IPO8: variants seen among roughly 807,000 people sequenced by gnomAD.
IPO8 encodes importin 8.
IPO8 carries 65 observed loss-of-function variants against 141.2 expected under a neutral mutation model. That is an observed-to-expected ratio of 0.46 (90% confidence interval 0.38 to 0.57). The LOEUF (loss-of-function observed/expected upper bound fraction) is 0.57. IPO8 is among the 20% of genes least tolerant of loss of function. IPO8 has a pLI of 0.00. For missense variants in IPO8, 980 were observed against 1,246.8 expected (o/e 0.79, Z 3.22); for synonymous variants, 411 against 420.3 (o/e 0.98, Z 0.27).
At chr12:30,687,346 C>T (rs1805417466) in intron 2 of IPO8, among the ~76,000 whole-genome samples, 1 of 152,180 alleles carries the variant, frequency 6.6e-6, no homozygotes, top group African/African-American at 2.4e-5. Context: ...AAAATCCACT[C>T]ACCATTTTAA....
chr12:30,651,746 T>C (rs2052729621), intron 19 of IPO8, among the ~76,000 whole-genome samples: 1 of 152,080 alleles, frequency 6.6e-6, no homozygotes, highest in African/African-American at 2.4e-5. Flanking sequence ...ATGTAGATTG[T>C]AGATTATAGA....
intron 22 of IPO8, among the ~76,000 whole-genome samples, chr12:30,636,058 TAAA>T (rs1276797397): frequency 1.3e-5 from 2 of 152,070 alleles, no homozygotes; most frequent in Non-Finnish European, 2.9e-5. Flanking sequence ...ACACTTCTAA[TAAA>T]GAAGCATTTC....
In IPO8 at chr12:30,669,178, A is replaced by G; in HGVS notation, c.1144+5T>C. On this transcript the variant is annotated splice_donor_5th_base_variant and intron_variant, in intron 10 of 24. Coordinates refer to ENST00000256079, the MANE Select transcript of IPO8 (RefSeq NM_006390.4). ...ACTGATGAGAAATAAAACCATCTCAATTACCAAATTTCATCCTTATATACT... is the reference window on the plus strand; with the variant it reads ...ACTGATGAGAAATAAAACCATCTCAGTTACCAAATTTCATCCTTATATACT... The G allele has an allele frequency of 7.2e-7, 1 of 1,384,632 alleles. No individual in the cohort carries two copies. Among genetic ancestry groups the G allele is most frequent in the African/African-American group, 1.4e-5 (1 of 69,804 alleles). 85.8% of individuals were successfully genotyped at this position (1,384,632 alleles called of 1,614,324 possible).
intron 20 of IPO8, 111 bp downstream of exon 20, chr12:30,649,026 A>G (rs965585206): frequency 6.2e-6 from 4 of 645,524 alleles, no homozygotes; most frequent in Non-Finnish European, 1.0e-5. Flanking sequence ...CAGAAAGCAC[A>G]ATCTATAGGC....
rs779541128 is a variant in IPO8 at position 30,664,965 on chromosome 12, C to T, written c.1428+255G>A. ...ATGTTGGCCAGGCTGGTCTCAAACTCCCGATCTCAAGTGATCCGCCCACCT... is the reference window on the plus strand; with the variant it reads ...ATGTTGGCCAGGCTGGTCTCAAACTTCCGATCTCAAGTGATCCGCCCACCT... On this transcript the variant is annotated intron_variant, in intron 13 of 24. Coordinates refer to ENST00000256079, the MANE Select transcript of IPO8 (RefSeq NM_006390.4). Among the ~76,000 whole-genome samples, 205 of 152,196 alleles carry T rather than the reference C, an allele frequency of 1.3e-3. 3 individuals carry two copies. Among genetic ancestry groups the T allele is most frequent in the Non-Finnish European group, 2.9e-4 (20 of 68,024 alleles).
At chr12:30,684,251 T>C (rs758885016) in intron 3 of IPO8, 50 bp downstream of exon 3, 8 of 1,568,124 alleles carry the variant, frequency 5.1e-6, no homozygotes, top group Middle Eastern at 1.7e-4. Flanking sequence ...CACCCTCAGA[T>C]CTAACCATTT....
chr12:30,657,274 T>C (rs887283680), intron 16 of IPO8, among the ~76,000 whole-genome samples: 5 of 152,136 alleles, frequency 3.3e-5, no homozygotes, highest in African/African-American at 1.2e-4. Context: ...AGAAAACAAA[T>C]GTGTTTCTTT....
At chr12:30,646,975 G>A (rs567910037) in intron 20 of IPO8, among the ~76,000 whole-genome samples, 11 of 152,182 alleles carry the variant, frequency 7.2e-5, no homozygotes, top group African/African-American at 1.9e-4. Context: ...CCTAAAACTC[G>A]TATGAAAATT....
Position 30,695,730 on chromosome 12 carries a change from C to G in IPO8, c.-83G>C. 7.8e-7 allele frequency: 1 copy of G among 1,288,462 alleles called. No homozygotes were observed. Among genetic ancestry groups the G allele is most frequent in the South Asian group, 1.3e-5 (1 of 76,978 alleles). 79.8% of individuals were successfully genotyped at this position (1,288,462 alleles called of 1,614,324 possible). On this transcript the variant is annotated 5_prime_UTR_variant, in exon 1 of 25. Transcript: ENST00000256079. The surrounding 1 kb of genome is among the most constrained non-coding windows in gnomAD (Gnocchi z 4.2). Reference sequence around the variant, plus strand: ...TTTCTTTTGACCCTCTCAGCCTCCTCTTCCGCGACCCCTGGATTACCTCAC... The same window carrying G: ...TTTCTTTTGACCCTCTCAGCCTCCTGTTCCGCGACCCCTGGATTACCTCAC...
intron 5 of IPO8, among the ~76,000 whole-genome samples, chr12:30,679,257 A>G (rs1477228420): frequency 6.6e-6 from 1 of 152,260 alleles, no homozygotes; most frequent in East Asian, 1.9e-4. Context: ...AGAGGAGAAT[A>G]TTAATGTATT....
rs1190803748 is a variant in IPO8, at chr12:30,639,505, A to G, written c.2489+10T>C. On this transcript the variant is annotated intron_variant, in intron 21 of 24. Coordinates refer to ENST00000256079, the MANE Select transcript of IPO8 (RefSeq NM_006390.4). ...ACAGAAAAGCAGTGTAAAATCCAAAAGACACATACCCAAGAAAACAATCTG... is the reference window on the plus strand; with the variant it reads ...ACAGAAAAGCAGTGTAAAATCCAAAGGACACATACCCAAGAAAACAATCTG... The G allele has an allele frequency of 3.2e-6, 5 of 1,584,102 alleles. No individual in the cohort carries two copies. Among genetic ancestry groups the G allele is most frequent in the Non-Finnish European group, 4.3e-6 (5 of 1,152,934 alleles).
intron 14 of IPO8, 103 bp downstream of exon 14, chr12:30,663,386 G>T: frequency 2.0e-6 from 2 of 1,002,416 alleles, no homozygotes; most frequent in Non-Finnish European, 1.4e-6. Flanking sequence ...CAAAACCTCA[G>T]AATTCCAAAC....
rs550943056 is a variant in IPO8, at chr12:30,672,979, G to A, written c.909+1011C>T. Reference sequence around the variant, plus strand: ...ATTTAAAAAAAAAAAATCTAGAGCCGGGCACGGTGATTCACACCTGTAATC... The same window carrying A: ...ATTTAAAAAAAAAAAATCTAGAGCCAGGCACGGTGATTCACACCTGTAATC... On this transcript the variant is annotated intron_variant, in intron 8 of 24. Coordinates refer to ENST00000256079, the MANE Select transcript of IPO8 (RefSeq NM_006390.4). Among the ~76,000 whole-genome samples the A allele has an allele frequency of 1.8e-4, 27 of 152,050 alleles. No individual in the cohort carries two copies. The East Asian group carries it at 3.9e-3, about 22-fold the overall frequency.
At chr12:30,674,303 T>G (rs2053089953) in intron 7 of IPO8, among the ~76,000 whole-genome samples, 1 of 152,152 alleles carries the variant, frequency 6.6e-6, no homozygotes, top group Non-Finnish European at 1.5e-5. Context: ...AACCAAGAGC[T>G]CCTAAAGGGT....
chr12:30,664,152 C>A (rs912954259), intron 13 of IPO8, among the ~76,000 whole-genome samples: 1 of 152,148 alleles, frequency 6.6e-6, no homozygotes, highest in Non-Finnish European at 1.5e-5. Flanking sequence ...ATATTTTACT[C>A]TCTGTGTGCA....
chr12:30,660,307 A>G (rs977739128), intron 16 of IPO8, among the ~76,000 whole-genome samples: 27 of 152,222 alleles, frequency 1.8e-4, no homozygotes, highest in Admixed American at 1.8e-3. Flanking sequence ...ATCAGTGCCA[A>G]ACAAGTCAAC....
intron 16 of IPO8, among the ~76,000 whole-genome samples, chr12:30,659,717 T>C (rs2052856547): frequency 6.6e-6 from 1 of 150,564 alleles, no homozygotes; most frequent in Non-Finnish European, 1.5e-5. Context: ...TAGCTGGGCA[T>C]GGTGGCGGGC....
intron 1 of IPO8, 121 bp from the exon 2 acceptor site, chr12:30,690,698 A>T (rs760202492): frequency 1.5e-4 from 83 of 549,126 alleles, no homozygotes; most frequent in Non-Finnish European, 2.5e-4. Flanking sequence ...ACTGAGACAA[A>T]CCCTTCAAGG....
In IPO8 at chr12:30,663,657, G is replaced by C; in HGVS notation, c.1429-3C>G. On this transcript the variant is annotated splice_polypyrimidine_tract_variant and splice_region_variant and intron_variant, in intron 13 of 24. Transcript: ENST00000256079. ...AATGCATGAAGTACCCAGCAAGACTGTATTATTAAAAAAGGTAAGTAGGGA... is the reference window on the plus strand; with the variant it reads ...AATGCATGAAGTACCCAGCAAGACTCTATTATTAAAAAAGGTAAGTAGGGA... 1 of 1,593,224 alleles carries C rather than the reference G, an allele frequency of 6.3e-7. No homozygotes were observed. The highest frequency in any genetic ancestry group is 8.5e-7 in the Non-Finnish European group (1 of 1,173,482).
Sources: gnomAD v4.1 joint callset for allele counts (sites outside exome capture counted in the v4.1 genomes callset) on GRCh38, gnomAD v4.1.1 for gene constraint, Gnocchi (gnomAD v3.1) non-coding constraint, MANE v1.5 for transcripts, NCBI Gene and HGNC (gene_info 2026-07-23, HGNC 2026-07-21) for gene names.